HPF1: variants seen among roughly 807,000 people sequenced by gnomAD.
HPF1 encodes UPF0609 protein C4orf27.
HPF1 carries 35 observed loss-of-function variants against 38.8 expected under a neutral mutation model. The observed-to-expected ratio is 0.90, with a 90% CI of 0.69 to 1.19. The LOEUF (loss-of-function observed/expected upper bound fraction) is 1.19. Ranked by LOEUF, HPF1 falls within the 50% of genes most tolerant of loss-of-function variation. The probability of loss-of-function intolerance (pLI) is 0.00; values close to 1 mark genes in which losing one functional copy is unlikely to be tolerated. For missense variants in HPF1, 367 were observed against 405.8 expected (o/e 0.90, Z 0.82); for synonymous variants, 115 against 139.2 (o/e 0.83, Z 1.22).
In HPF1 at chr4:169,735,614, T is replaced by C. The variant is rs530257777; in HGVS notation, c.736+2046A>G. On this transcript the variant is annotated intron_variant, in intron 6 of 7. Coordinates refer to ENST00000393381, the MANE Select transcript of HPF1 (RefSeq NM_017867.3). The stretch of plus-strand genomic sequence containing the variant: ...CAGGCTTTACTCCAGGGCACTACAA[T>C]TTAACATCCATCACCCCAAAAGCTT... 3.9e-5 allele frequency among the ~76,000 whole-genome samples: 6 copies of C among 152,302 alleles called. No homozygotes were observed. In the South Asian group the frequency reaches 8.3e-4, roughly 21 times the overall value.
Position 169,753,760 on chromosome 4 carries a change from C to T in HPF1, c.124G>A (p.Glu42Lys), listed in dbSNP as rs1358076733. 10 of 1,613,628 alleles carry T rather than the reference C, an allele frequency of 6.2e-6. No homozygotes were observed. The highest frequency in any genetic ancestry group is 1.7e-5 in the Admixed American group (1 of 59,978). ...GGTAAAGAAAGCTTATAATGATTTT[C>T]TACTTCTTTTCGAAGGTCACTGGAG... ...DVSSDLRKEV[E>K]NHYKLSLPED... The change falls in exon 2 of 8, where the codon GAA becomes AAA. Residue 42 changes from glutamate (E) to lysine (K), a missense_variant. Transcript: ENST00000393381.
At chr4:169,749,109 T>G (rs1734085858) in intron 3 of HPF1, among the ~76,000 whole-genome samples, 1 of 152,110 alleles carries the variant, frequency 6.6e-6, no homozygotes, top group South Asian at 2.1e-4. Flanking sequence ...AAGTGAAAAA[T>G]GTAATATTGC....
At chr4:169,745,680 T>G (rs147054431) in intron 4 of HPF1, among the ~76,000 whole-genome samples, 1 of 152,326 alleles carries the variant, frequency 6.6e-6, no homozygotes, top group Non-Finnish European at 1.5e-5. Flanking sequence ...AACACTGACA[T>G]TTTTCAGGCA....
At chr4:169,739,633 C>T (rs868012843) in intron 5 of HPF1, among the ~76,000 whole-genome samples, 5 of 152,028 alleles carry the variant, frequency 3.3e-5, no homozygotes, top group African/African-American at 7.2e-5. Flanking sequence ...GGCAATACTA[C>T]GTCTAGGAAT....
chr4:169,742,533 C>T (rs867192575), intron 4 of HPF1, among the ~76,000 whole-genome samples: 1 of 152,202 alleles, frequency 6.6e-6, no homozygotes, highest in Non-Finnish European at 1.5e-5. Flanking sequence ...TGGCTCACGC[C>T]TGTAATCCCA....
At chr4:169,757,359 C>G (rs1347649142) in intron 1 of HPF1, among the ~76,000 whole-genome samples, 1 of 152,110 alleles carries the variant, frequency 6.6e-6, no homozygotes, top group Non-Finnish European at 1.5e-5. Flanking sequence ...TTGTTAAATC[C>G]TCCTTCAGTG....
At position 169,741,909 on chromosome 4, in the gene HPF1, A is replaced by G. The variant is rs774273893; in HGVS notation, c.648+48T>C. 5 of 1,526,026 alleles carry G rather than the reference A, an allele frequency of 3.3e-6. No homozygotes were observed. In the Admixed American group the frequency reaches 5.4e-5, roughly 16 times the overall value. 94.5% of individuals were successfully genotyped at this position (1,526,026 alleles called of 1,614,324 possible). On this transcript the variant is annotated intron_variant, in intron 5 of 7. Coordinates refer to ENST00000393381, the MANE Select transcript of HPF1 (RefSeq NM_017867.3). ...AGAGATGGGAAGGAATCAAGAGGGGAAAAAAATATGCTATAGCAAAACAGA... is the reference window on the plus strand; with the variant it reads ...AGAGATGGGAAGGAATCAAGAGGGGGAAAAAATATGCTATAGCAAAACAGA...
chr4:169,737,537 T>C (rs1733913871), intron 6 of HPF1, 123 bp downstream of exon 6: 1 of 682,576 alleles, frequency 1.5e-6, no homozygotes, highest in South Asian at 1.7e-5. Context: ...GCTTACTCTT[T>C]ATTACTAAGG....
At chr4:169,735,751 G>A (rs759557868) in intron 6 of HPF1, among the ~76,000 whole-genome samples, 1 of 152,078 alleles carries the variant, frequency 6.6e-6, no homozygotes, top group Non-Finnish European at 1.5e-5. Flanking sequence ...AGATGACTTA[G>A]TGTAGAAGCA....
At chr4:169,729,828 C>T (rs1472203113) in intron 7 of HPF1, 119 bp from the exon 8 acceptor site, 5 of 696,166 alleles carry the variant, frequency 7.2e-6, no homozygotes, top group Non-Finnish European at 1.0e-5. Flanking sequence ...ATTTTAGCTA[C>T]ACCCTCAGGT....
At chr4:169,748,353 T>C (rs1734074568) in intron 4 of HPF1, among the ~76,000 whole-genome samples, 2 of 151,840 alleles carry the variant, frequency 1.3e-5, no homozygotes, top group South Asian at 4.1e-4. Flanking sequence ...TCTACAATTA[T>C]GGGCTTGTCT....
At chr4:169,755,828 G>T (rs1734181813) in intron 1 of HPF1, among the ~76,000 whole-genome samples, 1 of 152,226 alleles carries the variant, frequency 6.6e-6, no homozygotes, top group Non-Finnish European at 1.5e-5. Context: ...ACAGGAAGAA[G>T]GCTGAACGGA....
At chr4:169,753,174 C>T (rs1734141920) in intron 2 of HPF1, among the ~76,000 whole-genome samples, 2 of 151,688 alleles carry the variant, frequency 1.3e-5, no homozygotes, top group South Asian at 4.2e-4. Flanking sequence ...GCTGGGACTA[C>T]AGGTGTGCAC....
chr4:169,740,881 A>G (rs1185806152), intron 5 of HPF1, among the ~76,000 whole-genome samples: 1 of 152,238 alleles, frequency 6.6e-6, no homozygotes, highest in African/African-American at 2.4e-5. Flanking sequence ...ATTTGCTAAC[A>G]GCTATTATGT....
intron 4 of HPF1, among the ~76,000 whole-genome samples, chr4:169,744,635 A>G (rs957738186): frequency 2.6e-5 from 4 of 152,242 alleles, no homozygotes; most frequent in Non-Finnish European, 5.9e-5. Context: ...CAAATTCATT[A>G]CATAACATTA....
At chr4:169,757,500 C>T (rs535254553) in intron 1 of HPF1, among the ~76,000 whole-genome samples, 49 of 152,258 alleles carry the variant, frequency 3.2e-4, no homozygotes, top group African/African-American at 1.1e-3. Context: ...CAGGTTGACC[C>T]CCAAATCCGC....
intron 3 of HPF1, among the ~76,000 whole-genome samples, chr4:169,749,758 T>TA (rs1471336906): frequency 6.7e-6 from 1 of 148,578 alleles, no homozygotes; most frequent in Non-Finnish European, 1.5e-5. Context: ...AAAAGGATTG[T>TA]AAAACATTAG....
chr4:169,757,781 C>G, intron 1 of HPF1, 49 bp downstream of exon 1: 1 of 1,502,724 alleles, frequency 6.7e-7, no homozygotes, highest in Non-Finnish European at 9.0e-7. Flanking sequence ...GGTGCCCTGG[C>G]TGTCACCCAA....
At position 169,757,916 on chromosome 4, in the gene HPF1, G is replaced by GCCGCTTCCGAGCGCCGCCAA. The variant is rs1275676931; in HGVS notation, c.-59_-40dup. The GCCGCTTCCGAGCGCCGCCAA allele has an allele frequency of 2.6e-6, 4 of 1,533,632 alleles. No individual in the cohort carries two copies. The Admixed American group carries it at 7.9e-5, about 30-fold the overall frequency. On this transcript the variant is annotated 5_prime_UTR_variant, in exon 1 of 8. Transcript: ENST00000393381. ...CGCCAGCAGAATTCCCCGATCCGCGGCCGCTTCCGAGCGCCGCCAACCGCT... is the reference window on the plus strand; with the variant it reads ...CGCCAGCAGAATTCCCCGATCCGCGGCCGCTTCCGAGCGCCGCCAACCGCTTCCGAGCGCCGCCAACCGCT...
Sources: allele counts gnomAD v4.1 joint callset (sites outside exome capture counted in the v4.1 genomes callset), GRCh38; gene constraint gnomAD v4.1.1; transcripts MANE v1.5; gene names NCBI Gene and HGNC (gene_info 2026-07-23, HGNC 2026-07-21).